TMC1: variants seen among roughly 807,000 people sequenced by gnomAD.
TMC1 encodes the protein transmembrane channel-like protein 1.
A neutral mutation model predicts 105.8 loss-of-function variants in TMC1; 84 were observed. The observed-to-expected ratio is 0.79, with a 90% CI of 0.67 to 0.95. The LOEUF (loss-of-function observed/expected upper bound fraction) is 0.95. TMC1 is among the 40% of genes least tolerant of loss of function. The probability of loss-of-function intolerance (pLI) is 0.00; values close to 1 mark genes in which losing one functional copy is unlikely to be tolerated. For synonymous variants in TMC1, 315 were observed against 311.5 expected (o/e 1.01, Z -0.12); for missense variants, 817 against 914.1 (o/e 0.89, Z 1.37).
chr9:72,585,018 C>T (rs1824532388), intron 2 of TMC1, among the ~76,000 whole-genome samples: 1 of 151,834 alleles, frequency 6.6e-6, no homozygotes, highest in Non-Finnish European at 1.5e-5. Flanking sequence ...CTCCTGACCT[C>T]AAGTGATCTG....
chr9:72,568,196 C>T (rs1461766213), intron 1 of TMC1, among the ~76,000 whole-genome samples: 1 of 151,946 alleles, frequency 6.6e-6, no homozygotes, highest in Non-Finnish European at 1.5e-5. Flanking sequence ...TCCACCACTT[C>T]TCAACCCCCC....
chr9:72,676,728 T>A (rs1177986266), intron 5 of TMC1, among the ~76,000 whole-genome samples: 1 of 152,132 alleles, frequency 6.6e-6, no homozygotes, highest in African/African-American at 2.4e-5. Context: ...AGGACCCAGA[T>A]AAACAGAAGT....
chr9:72,584,839 C>T (rs1056468409), intron 2 of TMC1, among the ~76,000 whole-genome samples: 29 of 134,826 alleles, frequency 2.2e-4, no homozygotes, highest in African/African-American at 8.4e-4. Context: ...GGCTGGAGTG[C>T]AGTGACACAA....
chr9:72,696,956 GT>G (rs1182205966), intron 7 of TMC1, among the ~76,000 whole-genome samples: 1 of 152,142 alleles, frequency 6.6e-6, no homozygotes, highest in African/African-American at 2.4e-5. Flanking sequence ...AGAAAAGCAG[GT>G]TTCCTGTAAT....
rs116855530 is a variant in TMC1, at chr9:72,522,853, C to T, written c.-428+940C>T. Among the ~76,000 whole-genome samples, 5 of 152,324 alleles carry T rather than the reference C, an allele frequency of 3.3e-5. No homozygotes were observed. The East Asian group carries it at 9.7e-4, about 29-fold the overall frequency. On this transcript the variant is annotated intron_variant, in intron 1 of 23. Coordinates refer to ENST00000297784, the MANE Select transcript of TMC1 (RefSeq NM_138691.3). ...AACTCAGCCTAGTGCAGTTTCTCAA[C>T]CTTAGCACTATTGGCCTTTGGGGCC...
intron 17 of TMC1, among the ~76,000 whole-genome samples, chr9:72,794,664 C>G (rs1367535704): frequency 6.6e-6 from 1 of 152,194 alleles, no homozygotes; most frequent in African/African-American, 2.4e-5. Context: ...AACACCTACA[C>G]ACTGAGATGA....
chr9:72,774,197 A>C (rs1439399713), intron 13 of TMC1, among the ~76,000 whole-genome samples: 1 of 152,196 alleles, frequency 6.6e-6, no homozygotes, highest in Non-Finnish European at 1.5e-5. Context: ...ATATTTAATA[A>C]ATGATTTTCT....
intron 13 of TMC1, among the ~76,000 whole-genome samples, chr9:72,775,958 G>A (rs891615118): frequency 7.9e-5 from 12 of 152,114 alleles, no homozygotes; most frequent in African/African-American, 2.7e-4. Context: ...GCAAAAGAAG[G>A]CATTAATCTG....
intron 2 of TMC1, among the ~76,000 whole-genome samples, chr9:72,613,331 G>A (rs568246524): frequency 4.6e-5 from 7 of 151,912 alleles, no homozygotes; most frequent in Non-Finnish European, 1.0e-4. Context: ...TCACCATGTT[G>A]GCCAGGCTGG....
chr9:72,790,273 T>C (rs1005649991), intron 15 of TMC1, among the ~76,000 whole-genome samples: 1 of 152,178 alleles, frequency 6.6e-6, no homozygotes. Flanking sequence ...TAAAAAATCT[T>C]GGACAGCAAA....
chr9:72,811,026 A>G (rs1037402099), intron 18 of TMC1, among the ~76,000 whole-genome samples: 2 of 152,180 alleles, frequency 1.3e-5, no homozygotes, highest in African/African-American at 2.4e-5. Context: ...TCAGAGATCT[A>G]TAGAATGCTA....
intron 2 of TMC1, among the ~76,000 whole-genome samples, chr9:72,614,336 A>C (rs1263608780): frequency 6.6e-6 from 1 of 152,208 alleles, no homozygotes; most frequent in Non-Finnish European, 1.5e-5. Context: ...AAAGCTATTA[A>C]GTTTAAAGGT....
At chr9:72,656,014 G>T (rs2132156671) in intron 5 of TMC1, 2 of 758,924 alleles carry the variant, frequency 2.6e-6, no homozygotes, top group East Asian at 5.0e-5. Context: ...GATTCTCAAA[G>T]TCTTAGTAGG....
intron 5 of TMC1, among the ~76,000 whole-genome samples, chr9:72,669,389 C>A (rs1025536970): frequency 2.0e-5 from 3 of 152,108 alleles, no homozygotes; most frequent in African/African-American, 7.2e-5. Flanking sequence ...ACAACCTCAT[C>A]ATCTAGATAT....
chr9:72,685,616 A>G (rs1826368459), intron 5 of TMC1, among the ~76,000 whole-genome samples: 1 of 151,996 alleles, frequency 6.6e-6, no homozygotes, highest in Admixed American at 6.6e-5. Context: ...CATCCACCTC[A>G]GCCTCCCAAA....
chr9:72,777,830 G>T (rs961417310), intron 13 of TMC1, among the ~76,000 whole-genome samples: 1 of 152,346 alleles, frequency 6.6e-6, no homozygotes. Context: ...ACAAGCATAT[G>T]TGGTATGCAT....
intron 8 of TMC1, among the ~76,000 whole-genome samples, chr9:72,702,034 C>T (rs927613485): frequency 2.6e-5 from 4 of 152,094 alleles, no homozygotes; most frequent in African/African-American, 4.8e-5. Flanking sequence ...TTTCATTTAG[C>T]GAAGTGATAA....
At chr9:72,710,015 C>T (rs1004521884) in intron 8 of TMC1, among the ~76,000 whole-genome samples, 2 of 152,018 alleles carry the variant, frequency 1.3e-5, no homozygotes, top group African/African-American at 4.8e-5. Flanking sequence ...TTAGCACCAC[C>T]TTTGATGTAT....
chr9:72,643,145 TCTTC>T (rs1226361570), intron 4 of TMC1, among the ~76,000 whole-genome samples: 2 of 152,120 alleles, frequency 1.3e-5, no homozygotes, highest in African/African-American at 4.8e-5. Context: ...CTTTTTTTCT[TCTTC>T]CTCCTTTTAT....
Sources: gnomAD v4.1 joint callset for allele counts (sites outside exome capture counted in the v4.1 genomes callset) on GRCh38, gnomAD v4.1.1 for gene constraint, MANE v1.5 for transcripts, NCBI Gene and HGNC (gene_info 2026-07-23, HGNC 2026-07-21) for gene names.